The following UGT1A7 variants were observed in gnomAD, a reference collection of about 807,000 sequenced individuals.
The protein encoded by UGT1A7 is UDP-glucuronosyltransferase 1A7.
A neutral mutation model predicts 45.6 loss-of-function variants in UGT1A7; 33 were observed. The observed-to-expected ratio is 0.72, with a 90% CI of 0.55 to 0.97. The LOEUF is 0.97. Ranked by LOEUF, UGT1A7 falls within the 50% of genes least tolerant of loss-of-function variation. UGT1A7 has a pLI of 0.00. For missense variants in UGT1A7, 684 were observed against 666.2 expected (o/e 1.03, Z -0.29); for synonymous variants, 274 against 250.6 (o/e 1.09, Z -0.88).
chr2:233,751,147 C>A (rs1013062479), intron 1 of UGT1A7, among the ~76,000 whole-genome samples: 1 of 151,976 alleles, frequency 6.6e-6, no homozygotes, highest in African/African-American at 2.4e-5. Context: ...TGGGAGCCCA[C>A]TTCTGGCATC....
At chr2:233,689,671 A>G (rs1559343739) in intron 1 of UGT1A7, among the ~76,000 whole-genome samples, 2 of 152,208 alleles carry the variant, frequency 1.3e-5, no homozygotes, top group East Asian at 1.9e-4. Context: ...CCAAGAACAA[A>G]GAATGGCTGT....
At chr2:233,732,425 G>T (rs1329507271) in intron 1 of UGT1A7, among the ~76,000 whole-genome samples, 1 of 152,186 alleles carries the variant, frequency 6.6e-6, no homozygotes, top group African/African-American at 2.4e-5. Context: ...TTTTCTTCTA[G>T]GATTTTTATG....
chr2:233,686,714 C>T (rs547958774), intron 1 of UGT1A7, among the ~76,000 whole-genome samples: 52 of 152,314 alleles, frequency 3.4e-4, no homozygotes, highest in Non-Finnish European at 6.2e-4. Context: ...ACCCTCCCAC[C>T]GGCTATGAAG....
At chr2:233,705,712 T>A (rs2125601451) in intron 1 of UGT1A7, among the ~76,000 whole-genome samples, 1 of 152,350 alleles carries the variant, frequency 6.6e-6, no homozygotes, top group Admixed American at 6.5e-5. Flanking sequence ...ACCAGTATAT[T>A]GTTATCTTTT....
chr2:233,694,000 G>C, intron 1 of UGT1A7: 3 of 1,484,472 alleles, frequency 2.0e-6, no homozygotes, highest in Non-Finnish European at 2.7e-6. Context: ...TACCCGGCTC[G>C]GAGCAGCGGG....
chr2:233,747,584 T>G (rs1693721296), intron 1 of UGT1A7: 1 of 1,580,584 alleles, frequency 6.3e-7, no homozygotes, highest in African/African-American at 1.4e-5. Context: ...CTTTGGTCTT[T>G]CATAGGTCTT....
chr2:233,733,512 C>T (rs1027549522), intron 1 of UGT1A7, among the ~76,000 whole-genome samples: 2 of 152,148 alleles, frequency 1.3e-5, no homozygotes, highest in African/African-American at 4.8e-5. Flanking sequence ...CAGTTTTAGG[C>T]ATGAAGGGAT....
intron 1 of UGT1A7, among the ~76,000 whole-genome samples, chr2:233,732,241 G>T (rs2078253316): frequency 6.6e-6 from 1 of 152,170 alleles, no homozygotes; most frequent in South Asian, 2.1e-4. Context: ...TCTGTAGGTT[G>T]CCTGTTCACT....
chr2:233,762,058 G>A (rs1697953737), intron 1 of UGT1A7, among the ~76,000 whole-genome samples: 2 of 151,982 alleles, frequency 1.3e-5, no homozygotes, highest in Non-Finnish European at 2.9e-5. Context: ...TTCCTTCATA[G>A]CACATCAAAT....
In UGT1A7 at chr2:233,769,399, A is replaced by G. The variant is rs1699854887; in HGVS notation, c.1295+960A>G. The G allele has an allele frequency of 1.7e-6, 2 of 1,170,288 alleles. No homozygotes were observed. Among genetic ancestry groups the G allele is most frequent in the Non-Finnish European group, 2.5e-6 (2 of 810,196 alleles). 72.5% of individuals were successfully genotyped at this position (1,170,288 alleles called of 1,614,324 possible). A position where few individuals can be genotyped will look rare whatever the true frequency, so the allele number is the denominator to read the frequency against. On this transcript the variant is annotated intron_variant, in intron 4 of 4. Transcript: ENST00000373426. This position sits in a 1 kb window ranked among gnomAD's most constrained non-coding sequence, Gnocchi z 4.4. ...ATCCGACAATAGATACTGTGTGCAT[A>G]TGTGCGTGTGCGTTTGTGCATGTGG...
intron 1 of UGT1A7, among the ~76,000 whole-genome samples, chr2:233,687,285 A>G (rs114020285): frequency 2.4e-3 from 373 of 152,280 alleles, no homozygotes; most frequent in Non-Finnish European, 3.5e-3. Flanking sequence ...TCTTCAGAAC[A>G]ACATGGTGAG....
At position 233,769,547 on chromosome 2, in the gene UGT1A7, G is replaced by A; in HGVS notation, c.1295+1108G>A. 1 of 1,612,856 alleles carries A rather than the reference G, an allele frequency of 6.2e-7. No individual in the cohort carries two copies. Among genetic ancestry groups the A allele is most frequent in the Non-Finnish European group, 8.5e-7 (1 of 1,179,826 alleles). On this transcript the variant is annotated intron_variant, in intron 4 of 4. Coordinates refer to ENST00000373426, the MANE Select transcript of UGT1A7 (RefSeq NM_019077.3). This position sits in a 1 kb window ranked among gnomAD's most constrained non-coding sequence, Gnocchi z 4.4. ...CTCCTTTAGAAAGAAGCAGCAGTCA[G>A]GAAGACAGATGTGAAGAGCTGGAGC...
At chr2:233,721,960 C>T (rs1451442722) in intron 1 of UGT1A7, 10 of 313,544 alleles carry the variant, frequency 3.2e-5, no homozygotes, top group South Asian at 1.1e-4. Context: ...TTTGTATATG[C>T]ATACATTGAT....
chr2:233,728,342 G>A (rs1241528398), intron 1 of UGT1A7, among the ~76,000 whole-genome samples: 1 of 152,172 alleles, frequency 6.6e-6, no homozygotes, highest in Non-Finnish European at 1.5e-5. Flanking sequence ...CCAGTCCCTT[G>A]GTGAGCAGGA....
At chr2:233,751,684 G>T (rs1056105452) in intron 1 of UGT1A7, among the ~76,000 whole-genome samples, 7 of 152,138 alleles carry the variant, frequency 4.6e-5, no homozygotes, top group Non-Finnish European at 1.0e-4. Flanking sequence ...AGAGCTGATG[G>T]TTTTATAAGG....
intron 1 of UGT1A7, among the ~76,000 whole-genome samples, chr2:233,715,374 C>CAT (rs35623965): frequency 0.1 from 15,418 of 152,200 alleles, 893 homozygotes; most frequent in East Asian, 0.2. Flanking sequence ...ATTTTCTTCA[C>CAT]AGTTTGCTGT....
At chr2:233,761,908 A>G (rs535316155) in intron 1 of UGT1A7, among the ~76,000 whole-genome samples, 1 of 152,320 alleles carries the variant, frequency 6.6e-6, no homozygotes, top group South Asian at 2.1e-4. Flanking sequence ...TTGGCTGAGG[A>G]TCTACTGGCA....
chr2:233,771,572 T>G (rs1700331696), intron 4 of UGT1A7: 1 of 152,318 alleles, frequency 6.6e-6, no homozygotes, highest in Admixed American at 6.5e-5. Context: ...CAGAGGTGGT[T>G]GTTTACAACT....
rs1699600557 is a variant in UGT1A7 at position 233,768,315 on chromosome 2, T to C, written c.1171T>C (p.Phe391Leu). The change falls in exon 4 of 5, where the codon TTT becomes CTT. Residue 391 changes from phenylalanine (F) to leucine (L), a missense_variant. Physicochemically the swap from Phe to Leu is conservative, Grantham distance 22. Coordinates refer to ENST00000373426, the MANE Select transcript of UGT1A7 (RefSeq NM_019077.3). ...CGTTCCCATGGTGATGATGCCCTTG[T>C]TTGGTGATCAGATGGACAATGCAAA... ...NGVPMVMMPLFGDQMDNAKRM... is the reference protein window; with the variant it reads ...NGVPMVMMPLLGDQMDNAKRM... 3 of 1,614,138 alleles carry C rather than the reference T, an allele frequency of 1.9e-6. No individual in the cohort carries two copies. Among genetic ancestry groups the C allele is most frequent in the South Asian group, 2.2e-5 (2 of 91,078 alleles).
Sources: allele counts gnomAD v4.1 joint callset (sites outside exome capture counted in the v4.1 genomes callset), GRCh38; gene constraint gnomAD v4.1.1; non-coding constraint Gnocchi (gnomAD v3.1); transcripts MANE v1.5; gene names NCBI Gene and HGNC (gene_info 2026-07-23, HGNC 2026-07-21).